XDH: variants seen among roughly 807,000 people sequenced by gnomAD.
XDH encodes the protein xanthine dehydrogenase/oxidase.
In XDH, 138 loss-of-function variants were observed where a neutral mutation model predicts 156.1. The observed-to-expected ratio is 0.88, with a 90% CI of 0.77 to 1.02. XDH has a LOEUF of 1.02. XDH is among the 50% of genes least tolerant of loss of function. XDH has a pLI of 0.00. For synonymous variants in XDH, 669 were observed against 625.7 expected, an observed-to-expected ratio of 1.07 and a Z score of -1.03; for missense variants, 1,849 against 1,684.9, an observed-to-expected ratio of 1.10 and a Z score of -1.71.
intron 30 of XDH, among the ~76,000 whole-genome samples, chr2:31,346,340 C>A (rs999287950): frequency 6.6e-6 from 1 of 152,136 alleles, no homozygotes. Flanking sequence ...TTTCTCCCCA[C>A]GCTGTCACAG....
chr2:31,385,868 G>A (rs1290570865), intron 9 of XDH, among the ~76,000 whole-genome samples: 1 of 152,200 alleles, frequency 6.6e-6, no homozygotes, highest in East Asian at 1.9e-4. Flanking sequence ...AAAAAGTGGG[G>A]TGGTGGGGTC....
intron 1 of XDH, among the ~76,000 whole-genome samples, chr2:31,408,205 A>G (rs1236251440): frequency 3.3e-5 from 5 of 152,168 alleles, no homozygotes; most frequent in Non-Finnish European, 7.3e-5. Flanking sequence ...AATACATTTT[A>G]TATCTTCTAA....
rs1686949202 is a variant in XDH at position 31,397,732 on chromosome 2, G to A, written c.434-3C>T. 5 of 1,614,072 alleles carry A rather than the reference G, an allele frequency of 3.1e-6. No individual in the cohort carries two copies. Among genetic ancestry groups the A allele is most frequent in the South Asian group, 2.2e-5 (2 of 91,082 alleles). ...GCCTGTGCAGCGGCACAGATTTCCT[G>A]TGGGCCAAGGAAAAAACTGCAATGT... is the stretch of plus-strand genomic sequence containing the variant. On this transcript the variant is annotated splice_polypyrimidine_tract_variant and splice_region_variant and intron_variant, in intron 5 of 35. Coordinates refer to ENST00000379416, the MANE Select transcript of XDH (RefSeq NM_000379.4).
At chr2:31,377,364 G>A in intron 13 of XDH, 127 bp from the exon 14 acceptor site, 1 of 1,000,346 alleles carries the variant, frequency 1.0e-6, no homozygotes, top group Non-Finnish European at 1.5e-6. Context: ...TGGGTGAACT[G>A]GCCCCGGGAA....
rs119460972 is a variant in XDH at position 31,386,525 on chromosome 2, G to T, written c.682C>A (p.Arg228=). The T allele has an allele frequency of 1.9e-6, 3 of 1,614,106 alleles. No individual in the cohort carries two copies. Among genetic ancestry groups the T allele is most frequent in the South Asian group, 1.1e-5 (1 of 91,076 alleles). ...RLKDTPRKQL[R]FEGERVTWIQ... ...CACGTCACACGCTCCCCTTCAAATCGCAGCTGCTTCCGAGGAGTGTCTTTC... is the reference window on the plus strand; with the variant it reads ...CACGTCACACGCTCCCCTTCAAATCTCAGCTGCTTCCGAGGAGTGTCTTTC... The change falls in exon 9 of 36, where the codon CGA becomes AGA. Residue 228 remains arginine (R), a synonymous_variant. Coordinates refer to ENST00000379416, the MANE Select transcript of XDH (RefSeq NM_000379.4).
At chr2:31,393,871 A>C (rs563315159) in intron 6 of XDH, among the ~76,000 whole-genome samples, 2 of 149,730 alleles carry the variant, frequency 1.3e-5, no homozygotes, top group Admixed American at 1.3e-4. Flanking sequence ...GTCCACTTTT[A>C]AATAACACTA....
At position 31,405,914 on chromosome 2, in the gene XDH, T is replaced by C. The variant is rs1358472046; in HGVS notation, c.93A>G (p.Arg31=). ...ACTCCAAAGTCAGGATACACTTTCTTCTCAGGTAGGCCAAAAGGGTTGTCT... is the reference window on the plus strand; with the variant it reads ...ACTCCAAAGTCAGGATACACTTTCTCCTCAGGTAGGCCAAAAGGGTTGTCT... ...DPETTLLAYL[R]RKLGLSGTKL... Residue 31 remains arginine (R), a synonymous_variant, in exon 2 of 36, where the codon AGA becomes AGG. Coordinates refer to ENST00000379416, the MANE Select transcript of XDH (RefSeq NM_000379.4). The C allele has an allele frequency of 3.2e-5, 51 of 1,614,030 alleles. No individual in the cohort carries two copies. Among genetic ancestry groups the C allele is most frequent in the Non-Finnish European group, 4.3e-5 (51 of 1,180,030 alleles).
chr2:31,350,650 AG>A lies in XDH; in HGVS notation c.2632-428del, dbSNP rs770950589. On this transcript the variant is annotated intron_variant, in intron 24 of 35. Transcript: ENST00000379416. Reference sequence around the variant, plus strand: ...TGGCCTCCCAAAGTGCTGGGATTACAGGCATGAGCCCAGCCTGCGGCAGCAT... The same window carrying A: ...TGGCCTCCCAAAGTGCTGGGATTACAGCATGAGCCCAGCCTGCGGCAGCAT... Among the ~76,000 whole-genome samples the A allele has an allele frequency of 7.9e-5, 12 of 152,312 alleles. No homozygotes were observed. The East Asian group carries it at 2.3e-3, about 29-fold the overall frequency.
chr2:31,363,698 A>G (rs1685835629), intron 24 of XDH, among the ~76,000 whole-genome samples: 1 of 152,200 alleles, frequency 6.6e-6, no homozygotes, highest in Non-Finnish European at 1.5e-5. Context: ...TAACACAGAA[A>G]ATGACAGTGT....
chr2:31,383,875 T>C (rs200130912), intron 9 of XDH, 28 bp from the exon 10 acceptor site: 1 of 1,606,212 alleles, frequency 6.2e-7, no homozygotes, highest in South Asian at 1.1e-5. Flanking sequence ...GCTGAAGTTG[T>C]AGGCCCATTG....
chr2:31,340,456 C>T (rs1164659079), intron 33 of XDH, among the ~76,000 whole-genome samples: 2 of 152,034 alleles, frequency 1.3e-5, no homozygotes, highest in Non-Finnish European at 2.9e-5. Flanking sequence ...TCCTATCTCA[C>T]CTATTCTTTA....
At chr2:31,393,800 C>CTTTT (rs34575198) in intron 6 of XDH, among the ~76,000 whole-genome samples, 1 of 140,452 alleles carries the variant, frequency 7.1e-6, no homozygotes, top group African/African-American at 2.6e-5. Flanking sequence ...TTCCTTTTTT[C>CTTTT]TTTTTTTTTT....
chr2:31,350,065 T>A lies in XDH; in HGVS notation c.2790A>T (p.Glu930Asp). Reference protein sequence around the residue: ...GMLIAECWMSEVAVTCGMPAE... With the variant: ...GMLIAECWMSDVAVTCGMPAE... Reference sequence around the variant, plus strand: ...CAGGCATCCCACAGGTCACTGCAACTTCACTCATCCAGCACTCGGCAATGA... The same window carrying A: ...CAGGCATCCCACAGGTCACTGCAACATCACTCATCCAGCACTCGGCAATGA... The change falls in exon 25 of 36, where the codon GAA becomes GAT. Residue 930 changes from glutamate (E) to aspartate (D), a missense_variant. Coordinates refer to ENST00000379416, the MANE Select transcript of XDH (RefSeq NM_000379.4). 6.2e-7 allele frequency: 1 copy of A among 1,614,146 alleles called. No homozygotes were observed. Among genetic ancestry groups the A allele is most frequent in the East Asian group, 2.2e-5 (1 of 44,868 alleles).
intron 6 of XDH, among the ~76,000 whole-genome samples, chr2:31,391,083 C>T (rs1686748455): frequency 6.6e-6 from 1 of 152,124 alleles, no homozygotes; most frequent in Admixed American, 6.5e-5. Flanking sequence ...TCTCCTATGT[C>T]ATCTTCTAGG....
In XDH at chr2:31,339,673, T is replaced by G; in HGVS notation, c.3590A>C (p.Glu1197Ala). 1 of 1,614,074 alleles carries G rather than the reference T, an allele frequency of 6.2e-7. No homozygotes were observed. ...GCCAAGGCCCTGGACAAATGCCCCT[T>G]CCACCTGCAGGATGGATGGAGAGCA... The part of the protein sequence containing the change: ...LNPAIDIGQV[E>A]GAFVQGLGLF... Residue 1197 changes from glutamate to alanine, a missense_variant, in exon 34 of 36, where the codon GAA (glutamate) becomes GCA (alanine). Physicochemically the swap from Glu to Ala is moderately radical, Grantham distance 107. Transcript: ENST00000379416.
intron 15 of XDH, 94 bp downstream of exon 15, chr2:31,375,286 G>A: frequency 2.0e-6 from 3 of 1,485,472 alleles, no homozygotes; most frequent in Non-Finnish European, 1.9e-6. Context: ...GCCCTCAGAT[G>A]TCCAGAGGAG....
At chr2:31,357,613 A>G (rs1043110144) in intron 24 of XDH, among the ~76,000 whole-genome samples, 3 of 151,386 alleles carry the variant, frequency 2.0e-5, no homozygotes, top group African/African-American at 7.2e-5. Flanking sequence ...AGTTAGAATG[A>G]GTAACATCTA....
chr2:31,378,175 G>GAAGC (rs150555652), intron 13 of XDH, among the ~76,000 whole-genome samples: 63 of 71,580 alleles, frequency 8.8e-4, no homozygotes, highest in East Asian at 3.9e-3. Context: ...AGGAAGGAAG[G>GAAGC]AAGCAAGCAA....
chr2:31,403,770 C>T (rs206798), intron 2 of XDH, among the ~76,000 whole-genome samples: 30,835 of 151,950 alleles, frequency 0.2, 3,482 homozygotes, highest in Middle Eastern at 0.28. Context: ...TGCAGAAAGA[C>T]CATCTGCTAC....
Sources: allele counts gnomAD v4.1 joint callset (sites outside exome capture counted in the v4.1 genomes callset), GRCh38; gene constraint gnomAD v4.1.1; transcripts MANE v1.5; gene names NCBI Gene and HGNC (gene_info 2026-07-23, HGNC 2026-07-21).